The following SEPTIN8 variants were observed in gnomAD, a reference collection of about 807,000 sequenced individuals.
SEPTIN8 encodes septin-8.
In SEPTIN8, 22 loss-of-function variants were observed where a neutral mutation model predicts 53.1. The observed-to-expected ratio is 0.41, with a 90% confidence interval of 0.30 to 0.59. The LOEUF (loss-of-function observed/expected upper bound fraction) is 0.59, where lower values mean the gene tolerates loss of function less well. SEPTIN8 is among the 20% of genes least tolerant of loss of function. SEPTIN8 has a pLI of 0.24. For synonymous variants in SEPTIN8, 228 were observed against 248.4 expected (o/e 0.92, Z 0.77); for missense variants, 536 against 638.7 (o/e 0.84, Z 1.73).
At position 132,762,478 on chromosome 5, in the gene SEPTIN8, G is replaced by A. The variant is rs369115313; in HGVS notation, c.696+6C>T. 47 of 1,613,852 alleles carry A rather than the reference G, an allele frequency of 2.9e-5. No individual in the cohort carries two copies. Among genetic ancestry groups the A allele is most frequent in the African/African-American group, 1.3e-4 (10 of 74,942 alleles). On this transcript the variant is annotated splice_donor_region_variant and intron_variant, in intron 5 of 9. Coordinates refer to ENST00000378719, the MANE Select transcript of SEPTIN8 (RefSeq NM_001098811.2). ...CAGGGCCCTGAGGCCCTCACCCAAC[G>A]CTCACATTCATGACTGCGTTAATCT...
chr5:132,778,977 A>G (rs991828678), upstream of SEPTIN8, among the ~76,000 whole-genome samples: 1 of 152,158 alleles, frequency 6.6e-6, no homozygotes, highest in African/African-American at 2.4e-5. Context: ...GCCCTAAATT[A>G]TCTTCAAAAT....
chr5:132,777,458 A>G (rs1210979421), upstream of SEPTIN8: 7 of 987,862 alleles, frequency 7.1e-6, no homozygotes, highest in African/African-American at 1.2e-4. The surrounding 1 kb of genome is among the most constrained non-coding windows in gnomAD (Gnocchi z 4.1). Flanking sequence ...GCGTTGGGGG[A>G]CCGGGACGGC....
upstream of SEPTIN8, chr5:132,777,928 C>T: frequency 1.0e-6 from 1 of 985,472 alleles, no homozygotes; most frequent in Non-Finnish European, 1.2e-6. This position sits in a 1 kb window ranked among gnomAD's most constrained non-coding sequence, Gnocchi z 4.1. Context: ...ACGGTCAAGG[C>T]GTCAGATTGC....
chr5:132,774,990 C>T (rs1757654204), intron 1 of SEPTIN8, among the ~76,000 whole-genome samples: 1 of 152,186 alleles, frequency 6.6e-6, no homozygotes, highest in South Asian at 2.1e-4. Context: ...AGGTCTCCAC[C>T]CAAATCCAAC....
At chr5:132,758,605 T>G (rs2286012) in intron 9 of SEPTIN8, 1 of 1,604,230 alleles carries the variant, frequency 6.2e-7, no homozygotes, top group East Asian at 2.3e-5. Context: ...TTCATGGCTT[T>G]TACGTGTTTG....
In SEPTIN8 at chr5:132,758,764, G is replaced by A. The variant is rs1755592059; in HGVS notation, c.1286+2038C>T. On this transcript the variant is annotated intron_variant, in intron 9 of 9. Transcript: ENST00000378719. ...AGAAGGGTCACAAGGTGTAACTCAA[G>A]CAACTTAACACATGAAAGTCTAAAG... 3 of 1,613,950 alleles carry A rather than the reference G, an allele frequency of 1.9e-6. No homozygotes were observed. The Admixed American group carries it at 5.0e-5, about 27-fold the overall frequency.
Position 132,764,342 on chromosome 5 carries a change from G to A in SEPTIN8, c.229C>T (p.His77Tyr), listed in dbSNP as rs1260695818. 4 of 1,614,204 alleles carry A rather than the reference G, an allele frequency of 2.5e-6. No individual in the cohort carries two copies. Among genetic ancestry groups the A allele is most frequent in the Non-Finnish European group, 3.4e-6 (4 of 1,180,034 alleles). ...GGCCGCAGGCGCACGCATGCCTCAT[G>A]GTGACTGGCTTCCTCAGTCTCGAAG... Reference protein sequence around the residue: ...TTFETEEASHHEACVRLRPQT... With the variant: ...TTFETEEASHYEACVRLRPQT... The change falls in exon 3 of 10, where the codon CAT becomes TAT. Residue 77 changes from histidine to tyrosine, a missense_variant. His to Tyr is a moderately conservative substitution (Grantham distance 83). Around this residue, in one of 3 missense-constraint regions of SEPTIN8, gnomAD observed 395 missense variants for 451.8 expected, o/e 0.87. Transcript: ENST00000378719.
chr5:132,757,187 TAAAG>T (rs1376386344), intron 9 of SEPTIN8: 4 of 977,180 alleles, frequency 4.1e-6, no homozygotes, highest in African/African-American at 3.5e-5. Context: ...TTGTTTTTCT[TAAAG>T]AAGTCTTTCT....
intron 9 of SEPTIN8, chr5:132,753,089 C>G (rs1755005349): frequency 2.4e-5 from 19 of 804,838 alleles, no homozygotes; most frequent in Non-Finnish European, 3.8e-5. Context: ...TCTGGAAGAG[C>G]AACTGAGAAA....
At chr5:132,775,328 C>T (rs937261515) in intron 1 of SEPTIN8, among the ~76,000 whole-genome samples, 1 of 152,180 alleles carries the variant, frequency 6.6e-6, no homozygotes, top group African/African-American at 2.4e-5. Context: ...CAAATGCATC[C>T]TCTGCTCCCT....
chr5:132,767,713 C>G (rs1187089310), intron 1 of SEPTIN8, among the ~76,000 whole-genome samples: 3 of 152,160 alleles, frequency 2.0e-5, no homozygotes, highest in African/African-American at 7.2e-5. Context: ...TATTTAGTCT[C>G]TGTTCCACCT....
chr5:132,761,541 G>A lies in SEPTIN8; in HGVS notation c.879C>T (p.His293=), dbSNP rs1353031499. 1.2e-6 allele frequency: 2 copies of A among 1,613,974 alleles called. No homozygotes were observed. Among genetic ancestry groups the A allele is most frequent in the East Asian group, 4.5e-5 (2 of 44,888 alleles). ...VNMEDLREQT[H]SRHYELYRRC... Reference sequence around the variant, plus strand: ...GCCGGTAGAGCTCGTAGTGCCGGCTGTGGGTCTGCTCGCGGAGGTCTTCCA... The same window carrying A: ...GCCGGTAGAGCTCGTAGTGCCGGCTATGGGTCTGCTCGCGGAGGTCTTCCA... Residue 293 remains histidine (H), a synonymous_variant, in exon 7 of 10, where the codon CAC becomes CAT. Coordinates refer to ENST00000378719, the MANE Select transcript of SEPTIN8 (RefSeq NM_001098811.2). This position sits in a 1 kb window ranked among gnomAD's most constrained non-coding sequence, Gnocchi z 5.8.
At chr5:132,758,302 C>T (rs42403) in intron 9 of SEPTIN8, 209,936 of 1,340,440 alleles carry the variant, frequency 0.16, 25,973 homozygotes, top group East Asian at 0.69. Flanking sequence ...GACGCTGGTG[C>T]CAAAATAAAT....
chr5:132,762,240 C>A (rs1756056108), intron 5 of SEPTIN8, among the ~76,000 whole-genome samples: 1 of 152,234 alleles, frequency 6.6e-6, no homozygotes, highest in East Asian at 1.9e-4. Context: ...CATTTCCAGG[C>A]TCCTCCATGA....
intron 9 of SEPTIN8, chr5:132,757,163 A>C: frequency 1.0e-6 from 1 of 975,072 alleles, no homozygotes; most frequent in Non-Finnish European, 1.2e-6. Context: ...CCTGTACCTA[A>C]TTTTATATTA....
chr5:132,774,501 C>T (rs1757611892), intron 1 of SEPTIN8, among the ~76,000 whole-genome samples: 1 of 152,210 alleles, frequency 6.6e-6, no homozygotes. Flanking sequence ...GCAACACACC[C>T]TCCTCAGAGG....
chr5:132,753,796 G>T (rs919030817), intron 9 of SEPTIN8: 7 of 152,314 alleles, frequency 4.6e-5, no homozygotes, highest in African/African-American at 1.7e-4. Flanking sequence ...AGGAGGAGCC[G>T]GCTGCCTCTC....
At chr5:132,764,714 A>G (rs1756402539) in intron 2 of SEPTIN8, among the ~76,000 whole-genome samples, 1 of 152,248 alleles carries the variant, frequency 6.6e-6, no homozygotes, top group Non-Finnish European at 1.5e-5. Flanking sequence ...AGAGCCAGGC[A>G]GCTGTGTAGA....
In SEPTIN8 at chr5:132,752,819, A is replaced by G. The variant is rs188113713; in HGVS notation, c.1287-638T>C. The G allele has an allele frequency of 7.5e-5, 115 of 1,536,076 alleles. No homozygotes were observed. In the Middle Eastern group the frequency reaches 8.4e-4, roughly 11 times the overall value. On this transcript the variant is annotated intron_variant, in intron 9 of 9. Coordinates refer to ENST00000378719, the MANE Select transcript of SEPTIN8 (RefSeq NM_001098811.2). ...TGGCACTCAATTGCCAATTTCTTAG[A>G]ATGTATGATGGTTCTGCTTGAAGAT...
Sources: allele counts gnomAD v4.1 joint callset (sites outside exome capture counted in the v4.1 genomes callset), GRCh38; gene constraint gnomAD v4.1.1; regional missense constraint gnomAD v4.1.1; non-coding constraint Gnocchi (gnomAD v3.1); transcripts MANE v1.5; gene names NCBI Gene and HGNC (gene_info 2026-07-23, HGNC 2026-07-21).